The following GPAT4 variants were observed in gnomAD, a reference collection of about 807,000 sequenced individuals.
The protein encoded by GPAT4 is glycerol-3-phosphate acyltransferase 4, also known as 1-AGP acyltransferase 6.
A neutral mutation model predicts 58.0 loss-of-function variants in GPAT4; 17 were observed. The observed-to-expected ratio is 0.29, with a 90% CI of 0.20 to 0.44. GPAT4 has a LOEUF of 0.44. GPAT4 is among the 20% of genes least tolerant of loss of function. The pLI, the probability that GPAT4 is intolerant of heterozygous loss-of-function variation, is 1.00. For missense variants in GPAT4, 377 were observed against 574.5 expected, an observed-to-expected ratio of 0.66 and a Z score of 3.51; for synonymous variants, 204 against 210.1, an observed-to-expected ratio of 0.97 and a Z score of 0.25.
intron 1 of GPAT4, among the ~76,000 whole-genome samples, chr8:41,594,524 C>G (rs1802870112): frequency 6.6e-6 from 1 of 150,408 alleles, no homozygotes; most frequent in Non-Finnish European, 1.5e-5. Flanking sequence ...CGATATGTCT[C>G]AACTTTCTGA....
intron 1 of GPAT4, among the ~76,000 whole-genome samples, chr8:41,586,938 A>G (rs970208679): frequency 2.6e-5 from 4 of 152,200 alleles, no homozygotes; most frequent in Non-Finnish European, 5.9e-5. Flanking sequence ...AATTTATTTC[A>G]TCTGGGCTGA....
intron 9 of GPAT4, among the ~76,000 whole-genome samples, 184 bp from the exon 10 acceptor site, chr8:41,614,779 A>G (rs1289961861): frequency 1.3e-5 from 2 of 152,148 alleles, no homozygotes; most frequent in Non-Finnish European, 2.9e-5. Flanking sequence ...TAGAAAGAGA[A>G]TCGGAGGCAC....
chr8:41,589,376 G>T (rs987446266), intron 1 of GPAT4, among the ~76,000 whole-genome samples: 1 of 151,476 alleles, frequency 6.6e-6, no homozygotes, highest in Non-Finnish European at 1.5e-5. Flanking sequence ...GGGATGGGGT[G>T]GGATGGGATG....
chr8:41,585,044 G>A (rs567855014), intron 1 of GPAT4: 2 of 152,244 alleles, frequency 1.3e-5, no homozygotes, highest in South Asian at 2.1e-4. Context: ...CAACTGAGTC[G>A]CTCTGAGAGC....
chr8:41,612,402 G>A, intron 7 of GPAT4, 129 bp downstream of exon 7: 3 of 875,302 alleles, frequency 3.4e-6, no homozygotes, highest in Non-Finnish European at 5.3e-6. Context: ...TACTGTCACT[G>A]TGGGGGCTCT....
chr8:41,614,249 G>C, intron 8 of GPAT4, 137 bp from the exon 9 acceptor site: 1 of 690,756 alleles, frequency 1.4e-6, no homozygotes, highest in Admixed American at 3.0e-5. Context: ...TAGATTATGG[G>C]TTTAAAAGGA....
chr8:41,600,588 G>GTT (rs71548108), intron 2 of GPAT4, among the ~76,000 whole-genome samples: 43 of 144,762 alleles, frequency 3.0e-4, no homozygotes, highest in African/African-American at 6.8e-4. Context: ...AGCATATGGT[G>GTT]TTTTTTTTTT....
rs374853413 is a variant in GPAT4 at position 41,615,018 on chromosome 8, T to G, written c.1023T>G (p.Ile341Met). 6.2e-7 allele frequency: 1 copy of G among 1,614,060 alleles called. No individual in the cohort carries two copies. ...TGTTCAAAAAGGGAAGTTTTGAAAT[T>G]GGAGCCACAGTTTACCCTGTTGCTA... ...VMMFKKGSFE[I>M]GATVYPVAIK... Residue 341 changes from isoleucine to methionine, a missense_variant, in exon 10 of 13, where the codon ATT (isoleucine) becomes ATG (methionine). By Grantham distance (10) the Ile-to-Met change is conservative. Coordinates refer to ENST00000396987, the MANE Select transcript of GPAT4 (RefSeq NM_178819.4).
chr8:41,610,645 T>A (rs1803414634), intron 4 of GPAT4, 91 bp from the exon 5 acceptor site: 1 of 1,575,086 alleles, frequency 6.3e-7, no homozygotes, highest in African/African-American at 1.3e-5. Flanking sequence ...GGGGGTGGTT[T>A]TTGTGATGCC....
chr8:41,601,958 A>ATGTAGGT (rs75250046), intron 2 of GPAT4, among the ~76,000 whole-genome samples: 1 of 151,666 alleles, frequency 6.6e-6, no homozygotes, highest in African/African-American at 2.4e-5. Flanking sequence ...CAGTGGCCCA[A>ATGTAGGT]ATGTATTTAT....
At position 41,590,903 on chromosome 8, in the gene GPAT4, G is replaced by A. The variant is rs78125968; in HGVS notation, c.-848-7389G>A. ...ATTGATGGACTGGGGATAAACAAAC[G>A]AGGTAACAAGGGAAGGGCCTTGAGT... is the stretch of plus-strand genomic sequence containing the variant. On this transcript the variant is annotated intron_variant, in intron 1 of 12. Transcript: ENST00000396987. 3.4e-3 allele frequency among the ~76,000 whole-genome samples: 513 copies of A among 151,956 alleles called. 2 individuals are homozygous for A. The highest frequency in any genetic ancestry group is 0.012 in the African/African-American group (493 of 41,386).
intron 10 of GPAT4, among the ~76,000 whole-genome samples, chr8:41,617,764 G>C (rs1434955183): frequency 6.6e-6 from 1 of 152,182 alleles, no homozygotes; most frequent in African/African-American, 2.4e-5. Context: ...TGAAATTCTG[G>C]CTCCTTTATT....
intron 8 of GPAT4, among the ~76,000 whole-genome samples, chr8:41,614,112 T>C (rs551064369): frequency 3.3e-5 from 5 of 152,278 alleles, no homozygotes; most frequent in Admixed American, 2.6e-4. Flanking sequence ...CAGGTGTCTC[T>C]TTCAGGTGGC....
chr8:41,609,163 G>A, intron 2 of GPAT4, among the ~76,000 whole-genome samples: 1 of 152,224 alleles, frequency 6.6e-6, no homozygotes, highest in Admixed American at 6.5e-5. Context: ...TGAGGAACTA[G>A]GCCTGAGGAA....
intron 1 of GPAT4, among the ~76,000 whole-genome samples, chr8:41,587,416 T>C (rs143529498): frequency 2.6e-5 from 4 of 152,368 alleles, no homozygotes; most frequent in Admixed American, 2.6e-4. Flanking sequence ...AGATGAATAG[T>C]ATTCCATTAT....
chr8:41,578,530 C>T (rs577831354), intron 1 of GPAT4: 5 of 152,368 alleles, frequency 3.3e-5, no homozygotes, highest in African/African-American at 1.2e-4. Context: ...CTCCGCTCGC[C>T]TGCTCTCCGA....
At chr8:41,593,780 A>G (rs1802854747) in intron 1 of GPAT4, among the ~76,000 whole-genome samples, 1 of 152,208 alleles carries the variant, frequency 6.6e-6, no homozygotes, top group Admixed American at 6.5e-5. Flanking sequence ...AAAGACTTTT[A>G]GTTTAGTGGA....
intron 12 of GPAT4, among the ~76,000 whole-genome samples, chr8:41,619,674 A>G (rs1466393343): frequency 6.6e-6 from 1 of 152,174 alleles, no homozygotes; most frequent in Non-Finnish European, 1.5e-5. Flanking sequence ...GGTTCAGAGA[A>G]AGTTTTCCAC....
At chr8:41,610,581 G>T in intron 4 of GPAT4, 155 bp from the exon 5 acceptor site, 1 of 1,525,292 alleles carries the variant, frequency 6.6e-7, no homozygotes. Flanking sequence ...GTTCTGATAG[G>T]CCTGCTTACA....
Sources: gnomAD v4.1 joint callset for allele counts (sites outside exome capture counted in the v4.1 genomes callset) on GRCh38, gnomAD v4.1.1 for gene constraint, MANE v1.5 for transcripts, NCBI Gene and HGNC (gene_info 2026-07-23, HGNC 2026-07-21) for gene names.